Variants in RNGTT observed in about 807,000 individuals in gnomAD.
RNGTT encodes the protein mRNA-capping enzyme.
In RNGTT, 33 loss-of-function variants were observed where a neutral mutation model predicts 79.3. The ratio of observed to expected loss-of-function variants is 0.42; its 90% CI spans 0.32 to 0.56. The LOEUF is 0.56. RNGTT is among the 20% of genes least tolerant of loss of function. RNGTT has a pLI of 0.17. For synonymous variants in RNGTT, 222 were observed against 235.9 expected, an observed-to-expected ratio of 0.94 and a Z score of 0.54; for missense variants, 497 against 739.1, an observed-to-expected ratio of 0.67 and a Z score of 3.80.
chr6:88,647,308 A>C (rs902093149), intron 14 of RNGTT, among the ~76,000 whole-genome samples: 13 of 152,296 alleles, frequency 8.5e-5, no homozygotes, highest in Non-Finnish European at 1.9e-4. Flanking sequence ...CAAACTCTTG[A>C]TGCTATGTTT....
intron 1 of RNGTT, among the ~76,000 whole-genome samples, chr6:88,953,566 A>G (rs1381364181): frequency 1.3e-5 from 2 of 152,262 alleles, no homozygotes; most frequent in Non-Finnish European, 2.9e-5. Context: ...ATAATTGAGG[A>G]AAAGTTCCCT....
chr6:88,708,796 G>C (rs1359857486), intron 13 of RNGTT, among the ~76,000 whole-genome samples: 1 of 151,956 alleles, frequency 6.6e-6, no homozygotes, highest in African/African-American at 2.4e-5. Context: ...ACGTTTTCCA[G>C]TAAGAAAAGG....
chr6:88,796,988 T>C lies in RNGTT; in HGVS notation c.1338+4576A>G, dbSNP rs542714581. On this transcript the variant is annotated intron_variant, in intron 12 of 15. Coordinates refer to ENST00000369485, the MANE Select transcript of RNGTT (RefSeq NM_003800.5). ...TTATTGCACCTTTTCCCTAATTCTC[T>C]AGTATATATAAGAAGATGATTTAAT... is the stretch of plus-strand genomic sequence containing the variant. Among the ~76,000 whole-genome samples, 174 of 152,202 alleles carry C rather than the reference T, an allele frequency of 1.1e-3. 2 individuals are homozygous for C. Among genetic ancestry groups the C allele is most frequent in the Non-Finnish European group, 1.6e-3 (108 of 68,024 alleles).
At chr6:88,648,886 T>C (rs1428866416) in intron 14 of RNGTT, among the ~76,000 whole-genome samples, 6 of 152,172 alleles carry the variant, frequency 3.9e-5, no homozygotes, top group Non-Finnish European at 7.4e-5. Context: ...AAATCAGCTA[T>C]GAGTAAGTTG....
chr6:88,705,954 G>A (rs2127804486), intron 13 of RNGTT, among the ~76,000 whole-genome samples: 1 of 131,626 alleles, frequency 7.6e-6, no homozygotes, highest in Middle Eastern at 3.7e-3. Context: ...GATTATATGT[G>A]AATTATTTGG....
intron 6 of RNGTT, among the ~76,000 whole-genome samples, chr6:88,895,858 A>G (rs183460001): frequency 1.1e-3 from 167 of 151,506 alleles, no homozygotes; most frequent in African/African-American, 3.8e-3. Context: ...TTTTGTACTC[A>G]CTGCTTTAAA....
intron 13 of RNGTT, among the ~76,000 whole-genome samples, chr6:88,734,953 C>T (rs1225460566): frequency 6.6e-6 from 1 of 152,082 alleles, no homozygotes; most frequent in African/African-American, 2.4e-5. Context: ...GTATTAAATG[C>T]ATTTTTGACT....
intron 11 of RNGTT, among the ~76,000 whole-genome samples, chr6:88,815,517 A>G (rs1460560489): frequency 6.6e-6 from 1 of 152,196 alleles, no homozygotes; most frequent in Non-Finnish European, 1.5e-5. Flanking sequence ...GGGACCCCCA[A>G]ACTTGAGGCT....
chr6:88,881,177 T>C lies in RNGTT; in HGVS notation c.896+9318A>G, dbSNP rs569723058. 9.8e-5 allele frequency among the ~76,000 whole-genome samples: 15 copies of C among 152,286 alleles called. No individual in the cohort carries two copies. The South Asian group carries it at 2.9e-3, about 29-fold the overall frequency. Reference sequence around the variant, plus strand: ...GAGTTCCTTTAAAATACACTTTGATTATTTGGCAGCTTTCAACAAAATTGA... The same window carrying C: ...GAGTTCCTTTAAAATACACTTTGATCATTTGGCAGCTTTCAACAAAATTGA... On this transcript the variant is annotated intron_variant, in intron 8 of 15. Transcript: ENST00000369485.
chr6:88,846,088 A>G (rs1781473732), intron 10 of RNGTT, among the ~76,000 whole-genome samples: 1 of 152,166 alleles, frequency 6.6e-6, no homozygotes, highest in Admixed American at 6.5e-5. Context: ...ACATAAATTC[A>G]CCAAACTTCA....
intron 11 of RNGTT, among the ~76,000 whole-genome samples, chr6:88,843,548 C>CTTCTTTTTTTTTTTT (rs1437292319): frequency 1.5e-5 from 1 of 66,634 alleles, no homozygotes; most frequent in African/African-American, 6.8e-5. Context: ...TAGTATGATT[C>CTTCTTTTTTTTTTTT]TTTTTTTTTT....
chr6:88,666,672 C>G (rs1203347202), intron 14 of RNGTT, among the ~76,000 whole-genome samples: 1 of 152,186 alleles, frequency 6.6e-6, no homozygotes, highest in Non-Finnish European at 1.5e-5. Context: ...ACCTCCGGGA[C>G]AAACCTTGGA....
At chr6:88,928,162 A>AGATC (rs1784381736) in intron 4 of RNGTT, among the ~76,000 whole-genome samples, 3 of 152,206 alleles carry the variant, frequency 2.0e-5, no homozygotes, top group African/African-American at 7.2e-5. Flanking sequence ...CAGTGAGCCA[A>AGATC]GATCGCAGCA....
At chr6:88,735,937 C>T (rs1777270416) in intron 13 of RNGTT, among the ~76,000 whole-genome samples, 1 of 151,944 alleles carries the variant, frequency 6.6e-6, no homozygotes, top group Non-Finnish European at 1.5e-5. Flanking sequence ...TCTAGCCAGA[C>T]TAATCAAGAA....
intron 11 of RNGTT, among the ~76,000 whole-genome samples, chr6:88,818,605 C>T (rs190665080): frequency 6.6e-6 from 1 of 152,106 alleles, no homozygotes; most frequent in Non-Finnish European, 1.5e-5. Flanking sequence ...TTTATTTCGT[C>T]CATCAGGAAC....
At chr6:88,950,886 T>G (rs1234785121) in intron 1 of RNGTT, among the ~76,000 whole-genome samples, 3 of 147,510 alleles carry the variant, frequency 2.0e-5, no homozygotes, top group East Asian at 2.0e-4. Context: ...TGAGACAGGG[T>G]CTTACTCTGT....
At chr6:88,677,053 G>C (rs534002638) in intron 14 of RNGTT, among the ~76,000 whole-genome samples, 3 of 151,856 alleles carry the variant, frequency 2.0e-5, no homozygotes, top group Non-Finnish European at 2.9e-5. Flanking sequence ...TACTACTAAT[G>C]GCAAAAAAAC....
chr6:88,611,360 C>CA lies in RNGTT; in HGVS notation c.*1358dup, dbSNP rs1772015585. 1 of 152,656 alleles carries CA rather than the reference C, an allele frequency of 6.6e-6. No individual in the cohort carries two copies. The highest frequency in any genetic ancestry group is 2.4e-5 in the African/African-American group (1 of 41,450). 9.5% of individuals were successfully genotyped at this position (152,656 alleles called of 1,614,324 possible). Reference sequence around the variant, plus strand: ...GAATATACACTTGCATATACTTACACAGATATGCATTTACATATACAATTC... The same window carrying CA: ...GAATATACACTTGCATATACTTACACAAGATATGCATTTACATATACAATTC... On this transcript the variant is annotated 3_prime_UTR_variant, in exon 16 of 16. Coordinates refer to ENST00000369485, the MANE Select transcript of RNGTT (RefSeq NM_003800.5).
intron 12 of RNGTT, among the ~76,000 whole-genome samples, chr6:88,789,707 C>T (rs1779342665): frequency 6.6e-6 from 1 of 152,174 alleles, no homozygotes; most frequent in African/African-American, 2.4e-5. Flanking sequence ...GCACCAAACA[C>T]AGTTGGGCCA....
Sources: allele counts gnomAD v4.1 joint callset (sites outside exome capture counted in the v4.1 genomes callset), GRCh38; gene constraint gnomAD v4.1.1; transcripts MANE v1.5; gene names NCBI Gene and HGNC (gene_info 2026-07-23, HGNC 2026-07-21).